The following HDAC8 variants were observed in gnomAD, a reference collection of about 807,000 sequenced individuals.
HDAC8 encodes the protein histone deacetylase-like 1.
Under a neutral mutation model 32.2 loss-of-function variants are expected in HDAC8, and 1 was observed. The observed-to-expected ratio is 0.03, with a 90% confidence interval of 0.01 to 0.15. The LOEUF (loss-of-function observed/expected upper bound fraction) is 0.15. HDAC8 is among the 10% of genes least tolerant of loss of function. The pLI is 1.00. For missense variants in HDAC8, 117 were observed against 300.0 expected (o/e 0.39, Z 4.51); for synonymous variants, 108 against 113.9 (o/e 0.95, Z 0.33).
At chrX:72,491,386 C>T (rs1556009604) in intron 5 of HDAC8, among the ~76,000 whole-genome samples, 1 of 112,301 alleles carries the variant, frequency 8.9e-6, no homozygotes, top group African/African-American at 3.2e-5. Flanking sequence ...AACCATCTTA[C>T]AAGTTGTATG....
chrX:72,485,956 C>G (rs981750816), intron 7 of HDAC8, among the ~76,000 whole-genome samples: 4 of 110,472 alleles, frequency 3.6e-5, no homozygotes, highest in Non-Finnish European at 7.6e-5. Context: ...CCCGTCTCTA[C>G]TAAAAATACA....
chrX:72,449,941 T>G (rs1472296898), intron 9 of HDAC8, among the ~76,000 whole-genome samples: 6 of 112,268 alleles, frequency 5.3e-5, no homozygotes, highest in African/African-American at 1.9e-4. Context: ...CCCAGAGATA[T>G]GAAAACTTAT....
At chrX:72,361,731 A>T (rs1360640715) in intron 9 of HDAC8, among the ~76,000 whole-genome samples, 1 of 110,181 alleles carries the variant, frequency 9.1e-6, no homozygotes, top group Non-Finnish European at 1.9e-5. Flanking sequence ...AAAAAAAAAA[A>T]AAATAAGGTC....
At chrX:72,516,208 T>C (rs1418819225) in intron 4 of HDAC8, among the ~76,000 whole-genome samples, 2 of 111,781 alleles carry the variant, frequency 1.8e-5, no homozygotes, top group Non-Finnish European at 3.8e-5. Flanking sequence ...GACAGGAAAT[T>C]TGCGAGACAG....
intron 4 of HDAC8, among the ~76,000 whole-genome samples, chrX:72,514,896 T>A (rs1034616402): frequency 1.8e-5 from 2 of 111,652 alleles, no homozygotes; most frequent in African/African-American, 3.3e-5. Flanking sequence ...TGAGAAATAA[T>A]CTTTTTTTAA....
chrX:72,331,632 C>CAA (rs202058788), intron 10 of HDAC8, among the ~76,000 whole-genome samples: 5,855 of 106,117 alleles, frequency 0.055, 409 homozygotes, highest in African/African-American at 0.19. Context: ...CAGGAAGCTG[C>CAA]AAAAAAAAAA....
At chrX:72,431,801 G>T (rs1027985032) in intron 9 of HDAC8, among the ~76,000 whole-genome samples, 10 of 111,355 alleles carry the variant, frequency 9.0e-5, no homozygotes. Flanking sequence ...TTGACATCTG[G>T]TTTTCTTTCC....
In HDAC8 at chrX:72,428,205, T is replaced by A. The variant is rs1232515327; in HGVS notation, c.1005+33799A>T. Among the ~76,000 whole-genome samples, 4 of 112,397 alleles carry A rather than the reference T, an allele frequency of 3.6e-5. No homozygotes were observed. The East Asian group carries it at 8.4e-4, about 24-fold the overall frequency. ...GCCTCCCAGGTTCACGCGATTCTCC[T>A]GCCTCAGCCTCCTGAGTAGCCGGGA... is the stretch of plus-strand genomic sequence containing the variant. On this transcript the variant is annotated intron_variant, in intron 9 of 10. Transcript: ENST00000373573.
Position 72,453,464 on chromosome X carries a change from T to G in HDAC8, c.1005+8540A>C, listed in dbSNP as rs201735155. ...GGAGTAAGACTCTGTCTCTTAAAAA[T>G]AAAGAAAGAAAGAAAGAAAGAAAGA... On this transcript the variant is annotated intron_variant, in intron 9 of 10. Transcript: ENST00000373573. Among the ~76,000 whole-genome samples, 381 of 67,221 alleles carry G rather than the reference T, an allele frequency of 5.7e-3. 2 individuals carry two copies. The highest frequency in any genetic ancestry group is 0.023 in the South Asian group (26 of 1,139). 58.4% of individuals were successfully genotyped at this position (67,221 alleles called of 115,157 possible).
At chrX:72,559,140 T>C (rs1366834214) in intron 4 of HDAC8, among the ~76,000 whole-genome samples, 2 of 94,443 alleles carry the variant, frequency 2.1e-5, no homozygotes, top group Non-Finnish European at 4.2e-5. Context: ...TGGACTGTAC[T>C]GCCACCATCT....
Position 72,565,403 on chromosome X carries a change from G to A in HDAC8, c.437+2486C>T, listed in dbSNP as rs1427368967. 3.6e-5 allele frequency among the ~76,000 whole-genome samples: 4 copies of A among 112,140 alleles called. No individual in the cohort carries two copies. In the East Asian group the frequency reaches 1.1e-3, roughly 31 times the overall value. On this transcript the variant is annotated intron_variant, in intron 4 of 10. Transcript: ENST00000373573. ...CCTTGGAATTCAGACCTAAACTGGGGCAATCTCTAGAGACTCTGTAATTTA... is the reference window on the plus strand; with the variant it reads ...CCTTGGAATTCAGACCTAAACTGGGACAATCTCTAGAGACTCTGTAATTTA...
chrX:72,375,321 T>C (rs2045028509), intron 9 of HDAC8, among the ~76,000 whole-genome samples: 1 of 112,170 alleles, frequency 8.9e-6, no homozygotes, highest in African/African-American at 3.2e-5. Context: ...ATAGATTTAT[T>C]GTGAGGAACT....
chrX:72,388,627 C>A (rs1436941643), intron 9 of HDAC8, among the ~76,000 whole-genome samples: 1 of 110,502 alleles, frequency 9.0e-6, no homozygotes, highest in Non-Finnish European at 1.9e-5. Context: ...CACACACACA[C>A]ACACACACAC....
rs1312271083 is a variant in HDAC8, at chrX:72,529,424, G to A, written c.438-34156C>T. Among the ~76,000 whole-genome samples, 4 of 111,544 alleles carry A rather than the reference G, an allele frequency of 3.6e-5. No homozygotes were observed. In the Admixed American group the frequency reaches 3.8e-4, roughly 11 times the overall value. ...TAAGAGAGAGAAAAGAAGCTATGTTGCTAGCTTTGAAGTTGGAGGAAGGGG... is the reference window on the plus strand; with the variant it reads ...TAAGAGAGAGAAAAGAAGCTATGTTACTAGCTTTGAAGTTGGAGGAAGGGG... On this transcript the variant is annotated intron_variant, in intron 4 of 10. Transcript: ENST00000373573.
chrX:72,498,704 T>C (rs1367849077), intron 4 of HDAC8, among the ~76,000 whole-genome samples: 2 of 112,147 alleles, frequency 1.8e-5, no homozygotes, highest in African/African-American at 3.2e-5. Flanking sequence ...TGATGATATA[T>C]TATGTCAGGA....
chrX:72,474,728 A>G, intron 7 of HDAC8: 1 of 1,148,227 alleles, frequency 8.7e-7, no homozygotes, highest in Non-Finnish European at 1.2e-6. Flanking sequence ...GGAGGTTCGT[A>G]CCTGAGGAGG....
chrX:72,500,470 C>T (rs1188199790), intron 4 of HDAC8, among the ~76,000 whole-genome samples: 1 of 111,783 alleles, frequency 8.9e-6, no homozygotes. Flanking sequence ...AAGGTTGGCT[C>T]AATATATGCG....
intron 9 of HDAC8, among the ~76,000 whole-genome samples, chrX:72,353,514 G>A (rs1555949563): frequency 9.0e-6 from 1 of 111,693 alleles, no homozygotes; most frequent in African/African-American, 3.3e-5. Flanking sequence ...AGACAAGAGA[G>A]GTTACCTGGG....
chrX:72,337,401 C>T (rs1206041803), intron 10 of HDAC8, among the ~76,000 whole-genome samples: 4 of 111,672 alleles, frequency 3.6e-5, no homozygotes, highest in Non-Finnish European at 7.5e-5. Context: ...CTATAGTGGA[C>T]AGAGCAGACA....
Sources: allele counts gnomAD v4.1 joint callset (sites outside exome capture counted in the v4.1 genomes callset), GRCh38; gene constraint gnomAD v4.1.1; transcripts MANE v1.5; gene names NCBI Gene and HGNC (gene_info 2026-07-23, HGNC 2026-07-21).